The following RAI2 variants were observed in gnomAD, a reference collection of about 807,000 sequenced individuals.
RAI2 encodes the protein retinoic acid induced 2.
RAI2 carries 5 observed loss-of-function variants against 15.3 expected under a neutral mutation model. That is an observed-to-expected ratio of 0.33 (90% confidence interval 0.17 to 0.69). The LOEUF (loss-of-function observed/expected upper bound fraction) is 0.69, where lower values mean the gene tolerates loss of function less well. Among genes scored for constraint, RAI2 ranks in the 30% least tolerant of loss-of-function variants. The pLI, the probability that RAI2 is intolerant of heterozygous loss-of-function variation, is 0.69. For missense variants in RAI2, 424 were observed against 424.7 expected, an observed-to-expected ratio of 1.00 and a Z score of 0.01; for synonymous variants, 191 against 184.0, an observed-to-expected ratio of 1.04 and a Z score of -0.31.
chrX:17,819,808 C>T (rs925546114), intron 1 of RAI2, among the ~76,000 whole-genome samples: 1 of 111,959 alleles, frequency 8.9e-6, no homozygotes, highest in African/African-American at 3.2e-5. Context: ...AAAGTGGTTG[C>T]TCCAGGGAGG....
chrX:17,843,215 T>C (rs1448525878), intron 1 of RAI2, among the ~76,000 whole-genome samples: 1 of 111,862 alleles, frequency 8.9e-6, no homozygotes, highest in Non-Finnish European at 1.9e-5. Context: ...TGCATTTCCA[T>C]GCACTCCAAC....
At chrX:17,836,696 G>A (rs1017269684) in intron 1 of RAI2, among the ~76,000 whole-genome samples, 1 of 112,197 alleles carries the variant, frequency 8.9e-6, no homozygotes. Flanking sequence ...CAAACCAGGC[G>A]ATGCAGACAG....
At chrX:17,853,139 C>G (rs1032780473) in intron 1 of RAI2, among the ~76,000 whole-genome samples, 2 of 111,235 alleles carry the variant, frequency 1.8e-5, no homozygotes, top group African/African-American at 6.6e-5. Context: ...AGGAATAAAC[C>G]TGTTCTCTTT....
chrX:17,855,029 A>G (rs992586984), intron 1 of RAI2, among the ~76,000 whole-genome samples: 3 of 111,639 alleles, frequency 2.7e-5, no homozygotes, highest in Admixed American at 9.4e-5. Context: ...ATGTGATGAT[A>G]CCATAGTGCC....
intron 1 of RAI2, among the ~76,000 whole-genome samples, chrX:17,849,889 T>C (rs2067508006): frequency 8.9e-6 from 1 of 112,620 alleles, no homozygotes; most frequent in African/African-American, 3.2e-5. Context: ...CCTTTTCTTC[T>C]CTTTTTTTCT....
intron 1 of RAI2, among the ~76,000 whole-genome samples, chrX:17,830,496 TTG>T (rs1491243032): frequency 9.0e-5 from 10 of 111,087 alleles, no homozygotes; most frequent in African/African-American, 3.3e-4. Flanking sequence ...TGTTTTTTTT[TTG>T]TTGTTGTTTT....
chrX:17,814,137 C>T (rs1003791635), intron 1 of RAI2, among the ~76,000 whole-genome samples: 4 of 109,601 alleles, frequency 3.6e-5, no homozygotes, highest in African/African-American at 1.3e-4. Flanking sequence ...AGCAAGGAAG[C>T]CAATTTATCA....
intron 1 of RAI2, among the ~76,000 whole-genome samples, chrX:17,840,548 G>T (rs1255349573): frequency 2.7e-5 from 3 of 111,787 alleles, no homozygotes; most frequent in Non-Finnish European, 5.6e-5. Context: ...CTTAGTTAAG[G>T]TAGGATAAGT....
At chrX:17,818,332 T>A (rs1465640683) in intron 1 of RAI2, among the ~76,000 whole-genome samples, 1 of 112,059 alleles carries the variant, frequency 8.9e-6, no homozygotes, top group Non-Finnish European at 1.9e-5. Flanking sequence ...ACATTTTCTG[T>A]CTGACTTAGG....
intron 1 of RAI2, among the ~76,000 whole-genome samples, chrX:17,841,579 A>T (rs751025104): frequency 3.6e-5 from 4 of 112,668 alleles, no homozygotes; most frequent in South Asian, 7.4e-4. Flanking sequence ...GATAGGGACA[A>T]TACGTGTACA....
In RAI2 at chrX:17,825,217, C is replaced by T. The variant is rs113562383; in HGVS notation, c.-24-23183G>A. 4.2e-3 allele frequency among the ~76,000 whole-genome samples: 474 copies of T among 112,890 alleles called. 3 individuals are homozygous for T. The highest frequency in any genetic ancestry group is 0.014 in the African/African-American group (450 of 31,147). The stretch of plus-strand genomic sequence containing the variant: ...AAAATGGCCCGGTTCCAAAATGCTG[C>T]GGGAGACCGCATAAAAAGCACAGTA... On this transcript the variant is annotated intron_variant, in intron 1 of 1. Coordinates refer to ENST00000451717, the MANE Select transcript of RAI2 (RefSeq NM_021785.6).
rs182970036 is a variant in RAI2 at position 17,803,534 on chromosome X, A to G, written c.-24-1500T>C. Among the ~76,000 whole-genome samples the G allele has an allele frequency of 9.4e-3, 1,041 of 111,291 alleles. 7 individuals carry two copies. The highest frequency in any genetic ancestry group is 0.025 in the African/African-American group (763 of 30,576). ...TGACAGAGTGAGACTCCTTTAAAAA[A>G]AAAAGAAAAGAAAAGAAAAGAAATA... On this transcript the variant is annotated intron_variant, in intron 1 of 1. Transcript: ENST00000451717.
At chrX:17,846,883 G>C (rs1266511212) in intron 1 of RAI2, among the ~76,000 whole-genome samples, 1 of 112,114 alleles carries the variant, frequency 8.9e-6, no homozygotes, top group Non-Finnish European at 1.9e-5. Flanking sequence ...CAAGGGCAGG[G>C]CCAGGTGGAC....
At chrX:17,851,780 T>C (rs2067538252) in intron 1 of RAI2, among the ~76,000 whole-genome samples, 1 of 112,065 alleles carries the variant, frequency 8.9e-6, no homozygotes, top group Non-Finnish European at 1.9e-5. Context: ...CAACCTGCTA[T>C]AAATAAGTGT....
chrX:17,813,111 C>T (rs1263459282), intron 1 of RAI2, among the ~76,000 whole-genome samples: 1 of 111,341 alleles, frequency 9.0e-6, no homozygotes, highest in Non-Finnish European at 1.9e-5. Context: ...GGAAGGTGCT[C>T]CAAATTTGGG....
intron 1 of RAI2, 52 bp from the exon 2 acceptor site, chrX:17,802,086 T>G: frequency 8.8e-7 from 1 of 1,133,437 alleles, no homozygotes; most frequent in East Asian, 3.0e-5. Context: ...TATTTATAAT[T>G]GCCTTAAGAG....
chrX:17,847,005 G>A (rs755684913), intron 1 of RAI2, among the ~76,000 whole-genome samples: 2 of 111,844 alleles, frequency 1.8e-5, no homozygotes, highest in East Asian at 2.8e-4. Flanking sequence ...GCTCTCTCTT[G>A]CCTGCCACCA....
At chrX:17,855,636 G>GA (rs1196649829) in intron 1 of RAI2, among the ~76,000 whole-genome samples, 1 of 111,820 alleles carries the variant, frequency 8.9e-6, no homozygotes, top group Non-Finnish European at 1.9e-5. Flanking sequence ...CTGCCATCGA[G>GA]ATGGAGAGCG....
chrX:17,804,027 T>C (rs1402726441), intron 1 of RAI2, among the ~76,000 whole-genome samples: 1 of 109,639 alleles, frequency 9.1e-6, no homozygotes, highest in South Asian at 4.1e-4. Flanking sequence ...TGGCGCAATC[T>C]TGGCTCACTG....
Sources: allele counts gnomAD v4.1 joint callset (sites outside exome capture counted in the v4.1 genomes callset), GRCh38; gene constraint gnomAD v4.1.1; transcripts MANE v1.5; gene names NCBI Gene and HGNC (gene_info 2026-07-23, HGNC 2026-07-21).